FDFT1: variants seen among roughly 807,000 people sequenced by gnomAD.
FDFT1 encodes the protein farnesyl-diphosphate farnesyltransferase 1.
In FDFT1, 68 loss-of-function variants were observed where a neutral mutation model predicts 46.8. The observed-to-expected ratio is 1.45, with a 90% CI of 1.19 to 1.78. The LOEUF is 1.78. Ranked by LOEUF, FDFT1 falls within the 40% of genes most tolerant of loss-of-function variation. The probability of loss-of-function intolerance (pLI) is 0.00; values close to 1 mark genes in which losing one functional copy is unlikely to be tolerated. For synonymous variants in FDFT1, 351 were observed against 185.1 expected (o/e 1.90, Z -7.28); for missense variants, 928 against 524.4 (o/e 1.77, Z -7.52).
In FDFT1 at chr8:11,805,482, G is replaced by A. The variant is rs557223650; in HGVS notation, c.99+2551G>A. On this transcript the variant is annotated intron_variant, in intron 1 of 7. Transcript: ENST00000220584. Reference sequence around the variant, plus strand: ...TGTCCAATCTAAATCCTGTTATTTAGACTAATATCTTAAGTCTGTTATTAA... The same window carrying A: ...TGTCCAATCTAAATCCTGTTATTTAAACTAATATCTTAAGTCTGTTATTAA... 1.4e-4 allele frequency among the ~76,000 whole-genome samples: 22 copies of A among 152,236 alleles called. No individual in the cohort carries two copies. In the South Asian group the frequency reaches 4.6e-3, roughly 32 times the overall value.
chr8:11,819,184 C>T (rs186798284), intron 3 of FDFT1, among the ~76,000 whole-genome samples: 181 of 152,330 alleles, frequency 1.2e-3, no homozygotes, highest in Non-Finnish European at 1.9e-3. Flanking sequence ...CCCCCACTCT[C>T]TTCTGGCTAG....
chr8:11,827,227 G>T (rs552841144), intron 5 of FDFT1, among the ~76,000 whole-genome samples: 1 of 152,004 alleles, frequency 6.6e-6, no homozygotes, highest in South Asian at 2.1e-4. Context: ...TATAATCCCA[G>T]TGCTGAGGCC....
chr8:11,798,929 C>G (rs1805830691), upstream of FDFT1, among the ~76,000 whole-genome samples: 1 of 152,188 alleles, frequency 6.6e-6, no homozygotes. Flanking sequence ...CAGCATGCTT[C>G]CAGCTTAGAC....
chr8:11,821,889 T>G lies in FDFT1; in HGVS notation c.510+11T>G, dbSNP rs762896846. 3.7e-6 allele frequency: 6 copies of G among 1,611,578 alleles called. No individual in the cohort carries two copies. In the East Asian group the frequency reaches 1.3e-4, roughly 36 times the overall value. ...CAGGAGTGGGACAAGGTTAGTCTCA[T>G]AAAACAGTGTCTGTGTGTGATGTAT... is the stretch of plus-strand genomic sequence containing the variant. On this transcript the variant is annotated intron_variant, in intron 4 of 7. Transcript: ENST00000220584.
At chr8:11,804,424 C>G (rs970472207) in intron 1 of FDFT1, among the ~76,000 whole-genome samples, 1 of 151,956 alleles carries the variant, frequency 6.6e-6, no homozygotes, top group African/African-American at 2.4e-5. Context: ...TTTTTAAAAG[C>G]GAGACTTGAG....
At chr8:11,808,226 A>G (rs1807128617) in intron 1 of FDFT1, 17 of 1,175,688 alleles carry the variant, frequency 1.4e-5, no homozygotes, top group East Asian at 3.7e-5. Flanking sequence ...GCGGAGCCCG[A>G]GTAGAGTTTG....
At chr8:11,798,759 G>C (rs532041866), upstream of FDFT1, among the ~76,000 whole-genome samples, 1 of 152,316 alleles carries the variant, frequency 6.6e-6, no homozygotes, top group African/African-American at 2.4e-5. Context: ...AATATTCATT[G>C]AGCCAGTATG....
chr8:11,829,651 T>TC (rs953497449), intron 5 of FDFT1, among the ~76,000 whole-genome samples: 9 of 152,152 alleles, frequency 5.9e-5, no homozygotes, highest in African/African-American at 1.7e-4. Flanking sequence ...CCTGAATTCG[T>TC]CCAAGTAGTG....
intron 4 of FDFT1, among the ~76,000 whole-genome samples, chr8:11,824,326 A>C (rs960768723): frequency 6.6e-6 from 1 of 152,220 alleles, no homozygotes; most frequent in African/African-American, 2.4e-5. Context: ...CGGAAAAAAA[A>C]AGTATTTGGC....
chr8:11,808,513 TTCCCA>T, intron 1 of FDFT1: 1 of 1,329,544 alleles, frequency 7.5e-7, no homozygotes, highest in Non-Finnish European at 9.6e-7. Flanking sequence ...GGGTCCGCGA[TTCCCA>T]TGGCCGCAGC....
chr8:11,829,815 C>T (rs1810518585), intron 5 of FDFT1, among the ~76,000 whole-genome samples: 1 of 151,594 alleles, frequency 6.6e-6, no homozygotes, highest in South Asian at 2.1e-4. Flanking sequence ...AGCTAAGAGA[C>T]TTTACTGTAT....
At chr8:11,808,582 C>T in intron 1 of FDFT1, 2 of 1,387,248 alleles carry the variant, frequency 1.4e-6, no homozygotes, top group Non-Finnish European at 1.9e-6. Context: ...GTGCTGAGTC[C>T]CGCCGCGGCG....
At chr8:11,810,090 T>A (rs1054872704) in intron 3 of FDFT1, 4 of 475,456 alleles carry the variant, frequency 8.4e-6, no homozygotes, top group Non-Finnish European at 1.5e-5. Flanking sequence ...CTCAGTTTCT[T>A]CATCTGTAAA....
intron 3 of FDFT1, among the ~76,000 whole-genome samples, chr8:11,814,737 T>A (rs1808204311): frequency 6.6e-6 from 1 of 152,236 alleles, no homozygotes; most frequent in South Asian, 2.1e-4. Flanking sequence ...GTTTAATGAA[T>A]TTAAAAGTAT....
At chr8:11,820,910 T>C (rs1194526651) in intron 3 of FDFT1, among the ~76,000 whole-genome samples, 1 of 152,208 alleles carries the variant, frequency 6.6e-6, no homozygotes, top group Non-Finnish European at 1.5e-5. Context: ...ATGAACCAGG[T>C]ACCTCAGTTG....
chr8:11,820,421 G>T (rs1809065037), intron 3 of FDFT1, among the ~76,000 whole-genome samples: 1 of 152,214 alleles, frequency 6.6e-6, no homozygotes, highest in Admixed American at 6.5e-5. Flanking sequence ...GAAGCCGTCT[G>T]CTGCCTTTTG....
Position 11,802,780 on chromosome 8 carries a change from C to T in FDFT1, c.-53C>T, listed in dbSNP as rs569959428. ...ACAGGTCCAGCCGGCCGGTGAGCGC[C>T]TGGGGACCGCAGAGGTGAGAGTCGC... On this transcript the variant is annotated 5_prime_UTR_variant, in exon 1 of 8. Transcript: ENST00000220584. The T allele has an allele frequency of 4.9e-5, 70 of 1,441,818 alleles. No individual in the cohort carries two copies. In the East Asian group the frequency reaches 1.4e-3, roughly 29 times the overall value. 89.3% of individuals were successfully genotyped at this position (1,441,818 alleles called of 1,614,324 possible).
chr8:11,837,167 G>C (rs1326905966), intron 7 of FDFT1, among the ~76,000 whole-genome samples: 1 of 152,260 alleles, frequency 6.6e-6, no homozygotes, highest in Non-Finnish European at 1.5e-5. Flanking sequence ...GGAGTGGTAT[G>C]AGACTGGAAC....
intron 5 of FDFT1, among the ~76,000 whole-genome samples, chr8:11,829,348 T>G (rs188049734): frequency 1.3e-5 from 2 of 152,318 alleles, no homozygotes; most frequent in African/African-American, 4.8e-5. Context: ...AATAATATCA[T>G]TAAAAATCAT....
Sources: gnomAD v4.1 joint callset for allele counts (sites outside exome capture counted in the v4.1 genomes callset) on GRCh38, gnomAD v4.1.1 for gene constraint, MANE v1.5 for transcripts, NCBI Gene and HGNC (gene_info 2026-07-23, HGNC 2026-07-21) for gene names.